The following USP40 variants were observed in gnomAD, a reference collection of about 807,000 sequenced individuals.
USP40 encodes the protein ubiquitin specific peptidase 40.
In USP40, 143 loss-of-function variants were observed where a neutral mutation model predicts 166.2. That is an observed-to-expected ratio of 0.86 (90% CI 0.75 to 0.99). The LOEUF (loss-of-function observed/expected upper bound fraction) is 0.99. USP40 is among the 50% of genes least tolerant of loss of function. The probability of loss-of-function intolerance (pLI) is 0.00; values close to 1 mark genes in which losing one functional copy is unlikely to be tolerated. For missense variants in USP40, 1,444 were observed against 1,479.7 expected, an observed-to-expected ratio of 0.98 and a Z score of 0.40; for synonymous variants, 498 against 524.0, an observed-to-expected ratio of 0.95 and a Z score of 0.68.
rs184665627 is a variant in USP40 at position 233,515,574 on chromosome 2, T to C, written c.2384-2952A>G. On this transcript the variant is annotated intron_variant, in intron 18 of 31. Coordinates refer to ENST00000678225, the MANE Select transcript of USP40 (RefSeq NM_001365479.2). ...GTTAGGTTACAAGGGTTTTTTTTTT[T>C]CTTTAATATTCTGAATGTAAGTTGA... Among the ~76,000 whole-genome samples, 1,006 of 152,234 alleles carry C rather than the reference T, an allele frequency of 6.6e-3. 19 individuals carry two copies. The highest frequency in any genetic ancestry group is 0.033 in the Admixed American group (508 of 15,296).
chr2:233,564,011 G>A (rs760318458), intron 2 of USP40, among the ~76,000 whole-genome samples: 8 of 152,168 alleles, frequency 5.3e-5, no homozygotes, highest in Non-Finnish European at 1.0e-4. Context: ...ATCCCTATTA[G>A]AAATGTACTT....
intron 18 of USP40, among the ~76,000 whole-genome samples, chr2:233,514,520 C>CACA (rs10631442): frequency 0.21 from 31,581 of 151,884 alleles, 3,343 homozygotes; most frequent in African/African-American, 0.22. Flanking sequence ...AAAAGCAGAT[C>CACA]ACAAGGTTAC....
At chr2:233,529,707 ACATT>A (rs1200809171) in intron 11 of USP40, among the ~76,000 whole-genome samples, 195 bp from the exon 12 acceptor site, 5 of 152,112 alleles carry the variant, frequency 3.3e-5, no homozygotes, top group African/African-American at 1.2e-4. Flanking sequence ...TGAAAAGTAA[ACATT>A]TCTTTAAGAC....
rs918324283 is a variant in USP40 at position 233,542,557 on chromosome 2, A to T, written c.967-194T>A. Reference sequence around the variant, plus strand: ...AGACCAGCACACTCTACAAAAAGATAAAAAAAATTAGCCAGGAGGTTGAGG... The same window carrying T: ...AGACCAGCACACTCTACAAAAAGATTAAAAAAATTAGCCAGGAGGTTGAGG... On this transcript the variant is annotated intron_variant, in intron 8 of 31. Coordinates refer to ENST00000678225, the MANE Select transcript of USP40 (RefSeq NM_001365479.2). 9 of 421,952 alleles carry T rather than the reference A, an allele frequency of 2.1e-5. No homozygotes were observed. In the South Asian group the frequency reaches 2.3e-4, roughly 11 times the overall value. 26.1% of individuals were successfully genotyped at this position (421,952 alleles called of 1,614,324 possible). A position where few individuals can be genotyped will look rare whatever the true frequency, so the allele number is the denominator to read the frequency against.
At chr2:233,548,765 T>A (rs1308693697) in intron 8 of USP40, among the ~76,000 whole-genome samples, 1 of 152,140 alleles carries the variant, frequency 6.6e-6, no homozygotes. Flanking sequence ...GGACCTGGTG[T>A]CTTCAACTTA....
chr2:233,477,743 G>C (rs552131386), intron 31 of USP40, among the ~76,000 whole-genome samples: 1 of 152,218 alleles, frequency 6.6e-6, no homozygotes, highest in Non-Finnish European at 1.5e-5. Context: ...CAGGCTCTGG[G>C]GCTTTCTCAA....
rs1207542676 is a variant in USP40, at chr2:233,477,041, G to GC, written c.*350dup. 5.7e-6 allele frequency: 2 copies of GC among 352,804 alleles called. No homozygotes were observed. The highest frequency in any genetic ancestry group is 8.0e-5 in the Admixed American group (2 of 25,132). 21.9% of individuals were successfully genotyped at this position (352,804 alleles called of 1,614,324 possible). ...GACCCCACACACCTCCCACAGCGGAGCAACGGCATGCCGCTGCCTCCATAC... is the reference window on the plus strand; with the variant it reads ...GACCCCACACACCTCCCACAGCGGAGCCAACGGCATGCCGCTGCCTCCATAC... On this transcript the variant is annotated 3_prime_UTR_variant, in exon 32 of 32. Transcript: ENST00000678225.
chr2:233,508,798 G>T (rs2066604020), intron 21 of USP40, among the ~76,000 whole-genome samples: 1 of 152,144 alleles, frequency 6.6e-6, no homozygotes, highest in Non-Finnish European at 1.5e-5. Flanking sequence ...TGATTGCCTA[G>T]CATCCATTAT....
chr2:233,508,750 GA>G (rs2066600975), intron 21 of USP40, among the ~76,000 whole-genome samples: 1 of 151,960 alleles, frequency 6.6e-6, no homozygotes, highest in East Asian at 1.9e-4. Flanking sequence ...GTTTGCAAGG[GA>G]AAAACAGGAA....
chr2:233,485,995 C>A lies in USP40; in HGVS notation c.3198-18G>T. The stretch of plus-strand genomic sequence containing the variant: ...CCTGGGGGCTGTACCAGAAAACCGT[C>A]AAGCGCCAGATCCAAACAAACAAAC... On this transcript the variant is annotated intron_variant, in intron 28 of 31. Transcript: ENST00000678225. 1 of 1,553,482 alleles carries A rather than the reference C, an allele frequency of 6.4e-7. No homozygotes were observed.
chr2:233,479,282 G>C (rs956167874), intron 31 of USP40, among the ~76,000 whole-genome samples: 1 of 152,220 alleles, frequency 6.6e-6, no homozygotes, highest in Non-Finnish European at 1.5e-5. Flanking sequence ...TGTGGAAACA[G>C]AGCCAGGCGC....
At chr2:233,565,743 T>C (rs2072085160) in intron 1 of USP40, among the ~76,000 whole-genome samples, 170 bp from the exon 2 acceptor site, 1 of 151,926 alleles carries the variant, frequency 6.6e-6, no homozygotes, top group Non-Finnish European at 1.5e-5. Context: ...TTTTCATCCC[T>C]ATCAGGACCC....
Position 233,523,433 on chromosome 2 carries a change from AACAT to A in USP40, c.1934_1937del (p.Asn645IlefsTer4). 6.2e-7 allele frequency: 1 copy of A among 1,614,022 alleles called. No homozygotes were observed. Among genetic ancestry groups the A allele is most frequent in the East Asian group, 2.2e-5 (1 of 44,888 alleles). On this transcript the variant is annotated frameshift_variant, in exon 16 of 32. Coordinates refer to ENST00000678225, the MANE Select transcript of USP40 (RefSeq NM_001365479.2). LOFTEE classifies it high-confidence loss of function. ...CATCACTGCTTGTGTCTAGATGAAG[AACAT>A]TTAAAAGTAGAGGTTCGCAGTCAAT...
chr2:233,510,392 C>CTTTTTTTTTTTTTT (rs1158427662), intron 20 of USP40, among the ~76,000 whole-genome samples: 27 of 68,674 alleles, frequency 3.9e-4, no homozygotes, highest in Admixed American at 8.2e-4. Flanking sequence ...CTTTTTCTTT[C>CTTTTTTTTTTTTTT]TTTTTTTTTT....
chr2:233,494,936 A>ATATT (rs2065608988), intron 24 of USP40, among the ~76,000 whole-genome samples: 1 of 62,606 alleles, frequency 1.6e-5, no homozygotes, highest in Non-Finnish European at 2.7e-5. Flanking sequence ...ATATATATAT[A>ATATT]TATATATATA....
chr2:233,527,637 A>G, intron 12 of USP40, 59 bp from the exon 13 acceptor site: 1 of 1,384,810 alleles, frequency 7.2e-7, no homozygotes, highest in Non-Finnish European at 9.6e-7. Context: ...ACTGTGTTTT[A>G]TCTCAAACCA....
At chr2:233,492,133 T>A (rs2065387655) in intron 25 of USP40, among the ~76,000 whole-genome samples, 1 of 152,264 alleles carries the variant, frequency 6.6e-6, no homozygotes, top group Non-Finnish European at 1.5e-5. Context: ...AAGATTATAA[T>A]ACTGTATTTT....
rs938089477 is a variant in USP40, at chr2:233,486,458, G to A, written c.3198-481C>T. On this transcript the variant is annotated intron_variant, in intron 28 of 31. Transcript: ENST00000678225. This position sits in a 1 kb window ranked among gnomAD's most constrained non-coding sequence, Gnocchi z 4.0. Reference sequence around the variant, plus strand: ...GGAATTGGGAAGAGAGACACAGGGCGGGTGAGACACAAGGCTGCAGCTGTG... The same window carrying A: ...GGAATTGGGAAGAGAGACACAGGGCAGGTGAGACACAAGGCTGCAGCTGTG... Among the ~76,000 whole-genome samples the A allele has an allele frequency of 3.9e-5, 6 of 152,160 alleles. No homozygotes were observed. Among genetic ancestry groups the A allele is most frequent in the African/African-American group, 7.2e-5 (3 of 41,434 alleles).
chr2:233,496,565 T>C (rs1435782877), intron 24 of USP40, among the ~76,000 whole-genome samples, 193 bp downstream of exon 24: 1 of 152,250 alleles, frequency 6.6e-6, no homozygotes, highest in African/African-American at 2.4e-5. Context: ...ATGTTACATA[T>C]AATTGATTTT....
Sources: gnomAD v4.1 joint callset for allele counts (sites outside exome capture counted in the v4.1 genomes callset) on GRCh38, gnomAD v4.1.1 for gene constraint, Gnocchi (gnomAD v3.1) non-coding constraint, MANE v1.5 for transcripts, NCBI Gene and HGNC (gene_info 2026-07-23, HGNC 2026-07-21) for gene names.